AGPAT3: variants seen among roughly 807,000 people sequenced by gnomAD.
The protein encoded by AGPAT3 is 1-acylglycerol-3-phosphate O-acyltransferase 3.
A neutral mutation model predicts 47.3 loss-of-function variants in AGPAT3; 5 were observed. That is an observed-to-expected ratio of 0.11 (90% confidence interval 0.06 to 0.22). AGPAT3 has a LOEUF of 0.22. Among genes scored for constraint, AGPAT3 ranks in the 10% least tolerant of loss-of-function variants. The probability of loss-of-function intolerance (pLI) is 1.00; values close to 1 mark genes in which losing one functional copy is unlikely to be tolerated. For missense variants in AGPAT3, 315 were observed against 493.0 expected (o/e 0.64, Z 3.42); for synonymous variants, 212 against 208.3 (o/e 1.02, Z -0.15).
intron 1 of AGPAT3, among the ~76,000 whole-genome samples, chr21:43,868,702 G>A (rs1040242218): frequency 6.6e-6 from 1 of 152,146 alleles, no homozygotes. Flanking sequence ...CTGCAGCCAC[G>A]CTGGCTCTTG....
Position 43,985,245 on chromosome 21 carries a change from G to T in AGPAT3, c.*2853G>T, listed in dbSNP as rs1222881901. 1 of 456,300 alleles carries T rather than the reference G, an allele frequency of 2.2e-6. No homozygotes were observed. The highest frequency in any genetic ancestry group is 2.3e-5 in the Admixed American group (1 of 42,580). The allele number at this position is 456,300 out of a possible 1,614,324, so 28.3% of individuals were successfully genotyped here. Reference sequence around the variant, plus strand: ...TCTTCCCCCGTGTGAGACACTGGTTGTCTGGTACTCGGCGACAGTGTACCA... The same window carrying T: ...TCTTCCCCCGTGTGAGACACTGGTTTTCTGGTACTCGGCGACAGTGTACCA... On this transcript the variant is annotated 3_prime_UTR_variant, in exon 10 of 10. Coordinates refer to ENST00000291572, the MANE Select transcript of AGPAT3 (RefSeq NM_020132.5).
chr21:43,949,845 G>A (rs1215596986), intron 2 of AGPAT3, among the ~76,000 whole-genome samples: 6 of 152,230 alleles, frequency 3.9e-5, no homozygotes, highest in Non-Finnish European at 5.9e-5. Flanking sequence ...TTCCTGTGGA[G>A]GGGTGGTCTG....
In AGPAT3 at chr21:43,907,937, C is replaced by T. The variant is rs879529737; in HGVS notation, c.-49+3918C>T. Among the ~76,000 whole-genome samples the T allele has an allele frequency of 3.9e-5, 6 of 152,208 alleles. No homozygotes were observed. In the South Asian group the frequency reaches 6.2e-4, roughly 16 times the overall value. On this transcript the variant is annotated intron_variant, in intron 2 of 9. Coordinates refer to ENST00000291572, the MANE Select transcript of AGPAT3 (RefSeq NM_020132.5). ...GTGTTTGCGCGCCCTCTCCGTCGCA[C>T]GGCTCCGTGTGCTGGAGACCCCACG... is the stretch of plus-strand genomic sequence containing the variant.
intron 1 of AGPAT3, among the ~76,000 whole-genome samples, chr21:43,878,182 C>T (rs1356685485): frequency 6.6e-6 from 1 of 152,162 alleles, no homozygotes; most frequent in Non-Finnish European, 1.5e-5. Context: ...ACCCGGTCTT[C>T]AAGCTGCCCC....
intron 2 of AGPAT3, among the ~76,000 whole-genome samples, chr21:43,953,943 A>C (rs2088321024): frequency 6.6e-6 from 1 of 152,236 alleles, no homozygotes; most frequent in South Asian, 2.1e-4. Flanking sequence ...AGGCTGTGTG[A>C]GCCATGATGG....
intron 2 of AGPAT3, among the ~76,000 whole-genome samples, chr21:43,905,536 A>G (rs1569056553): frequency 1.3e-5 from 2 of 152,172 alleles, no homozygotes; most frequent in African/African-American, 2.4e-5. Context: ...TTGATAGCAG[A>G]TAACTATGAA....
rs528838314 is a variant in AGPAT3 at position 43,884,244 on chromosome 21, G to A, written c.-112+18899G>A. On this transcript the variant is annotated intron_variant, in intron 1 of 9. Transcript: ENST00000291572. ...CTTCCTCCTCTCCTCTTCCCCACCCGCTTCCCCCTCCTTCCCCCTCCTTCC... is the reference window on the plus strand; with the variant it reads ...CTTCCTCCTCTCCTCTTCCCCACCCACTTCCCCCTCCTTCCCCCTCCTTCC... 1.9e-4 allele frequency among the ~76,000 whole-genome samples: 19 copies of A among 98,830 alleles called. No homozygotes were observed. In the East Asian group the frequency reaches 5.0e-3, roughly 26 times the overall value. 64.8% of individuals were successfully genotyped at this position (98,830 alleles called of 152,430 possible).
intron 2 of AGPAT3, among the ~76,000 whole-genome samples, chr21:43,925,792 C>T (rs2087035249): frequency 1.3e-5 from 2 of 152,270 alleles, no homozygotes; most frequent in African/African-American, 4.8e-5. Flanking sequence ...CATTCCCACA[C>T]AGAGCTCTGT....
chr21:43,968,067 C>T lies in AGPAT3; in HGVS notation c.300C>T (p.Ile100=), dbSNP rs763209819. Residue 100 remains isoleucine, a synonymous_variant, in exon 4 of 10, where the codon ATC becomes ATT. Coordinates refer to ENST00000291572, the MANE Select transcript of AGPAT3 (RefSeq NM_020132.5). Reference sequence around the variant, plus strand: ...TCATCCTCAACCACAACTTCGAGATCGACTTCCTCTGTGGGTGGACCATGT... The same window carrying T: ...TCATCCTCAACCACAACTTCGAGATTGACTTCCTCTGTGGGTGGACCATGT... ...AVIILNHNFE[I]DFLCGWTMCE... is the part of the protein sequence containing the mutation. 27 of 1,613,832 alleles carry T rather than the reference C, an allele frequency of 1.7e-5. No individual in the cohort carries two copies. The highest frequency in any genetic ancestry group is 3.3e-5 in the Admixed American group (2 of 59,984).
At chr21:43,950,973 C>T (rs1420895383) in intron 2 of AGPAT3, 4 of 152,378 alleles carry the variant, frequency 2.6e-5, no homozygotes, top group Non-Finnish European at 4.4e-5. Flanking sequence ...GAATAGTAAA[C>T]GTTGCCACCT....
intron 2 of AGPAT3, among the ~76,000 whole-genome samples, chr21:43,945,510 G>A (rs368857421): frequency 1.3e-5 from 2 of 152,180 alleles, no homozygotes; most frequent in African/African-American, 4.8e-5. Context: ...GCGCCGTAAT[G>A]GTAGACGATG....
chr21:43,974,317 T>A (rs1049787387), intron 7 of AGPAT3, among the ~76,000 whole-genome samples: 1 of 152,008 alleles, frequency 6.6e-6, no homozygotes, highest in Non-Finnish European at 1.5e-5. Flanking sequence ...GGGTGATGTA[T>A]GTGGTGTGTG....
At chr21:43,962,722 G>A (rs551711311) in intron 3 of AGPAT3, among the ~76,000 whole-genome samples, 1 of 152,234 alleles carries the variant, frequency 6.6e-6, no homozygotes, top group Non-Finnish European at 1.5e-5. Context: ...TTGAGCGAGG[G>A]CGCGAGACAA....
intron 1 of AGPAT3, among the ~76,000 whole-genome samples, chr21:43,895,508 G>A (rs2086194421): frequency 1.0e-5 from 1 of 100,312 alleles, no homozygotes; most frequent in South Asian, 4.0e-4. Flanking sequence ...GTAGTGACAG[G>A]ATTTTTTTTT....
At position 43,914,605 on chromosome 21, in the gene AGPAT3, A is replaced by G. The variant is rs866991510; in HGVS notation, c.-49+10586A>G. On this transcript the variant is annotated intron_variant, in intron 2 of 9. Coordinates refer to ENST00000291572, the MANE Select transcript of AGPAT3 (RefSeq NM_020132.5). Reference sequence around the variant, plus strand: ...TCAATCTCTTCCCAGGCTGGAGTGCAGTGGTGCGATCTTGGCTCACTGCAG... The same window carrying G: ...TCAATCTCTTCCCAGGCTGGAGTGCGGTGGTGCGATCTTGGCTCACTGCAG... Among the ~76,000 whole-genome samples the G allele has an allele frequency of 4.2e-4, 64 of 152,020 alleles. No individual in the cohort carries two copies. In the Middle Eastern group the frequency reaches 0.01, roughly 24 times the overall value.
Position 43,985,661 on chromosome 21 carries a change from G to A in AGPAT3, c.*3269G>A, listed in dbSNP as rs1243401237. Reference sequence around the variant, plus strand: ...GGGTCAGATTTGGGGTGAAGAATGAGTAAGTTTCTGCATGCTTTGTCTCTA... The same window carrying A: ...GGGTCAGATTTGGGGTGAAGAATGAATAAGTTTCTGCATGCTTTGTCTCTA... On this transcript the variant is annotated 3_prime_UTR_variant, in exon 10 of 10. Coordinates refer to ENST00000291572, the MANE Select transcript of AGPAT3 (RefSeq NM_020132.5). 4.9e-6 allele frequency: 1 copy of A among 204,572 alleles called. No homozygotes were observed. Among genetic ancestry groups the A allele is most frequent in the Non-Finnish European group, 1.0e-5 (1 of 99,886 alleles). 12.7% of individuals were successfully genotyped at this position (204,572 alleles called of 1,614,324 possible). A position where few individuals can be genotyped will look rare whatever the true frequency, so the allele number is the denominator to read the frequency against.
chr21:43,899,399 A>G (rs1395526853), intron 1 of AGPAT3, among the ~76,000 whole-genome samples: 1 of 152,200 alleles, frequency 6.6e-6, no homozygotes, highest in Non-Finnish European at 1.5e-5. Flanking sequence ...CCTTTGTGCT[A>G]CAAAGGACAC....
At chr21:43,943,726 G>A (rs1008451990) in intron 2 of AGPAT3, among the ~76,000 whole-genome samples, 1 of 152,210 alleles carries the variant, frequency 6.6e-6, no homozygotes, top group Admixed American at 6.5e-5. Context: ...CCCGGGAGGG[G>A]AGGTTGGAGT....
At position 43,985,460 on chromosome 21, in the gene AGPAT3, A is replaced by C; in HGVS notation, c.*3068A>C. On this transcript the variant is annotated 3_prime_UTR_variant, in exon 10 of 10. Transcript: ENST00000291572. Reference sequence around the variant, plus strand: ...GAGTCTCTCTGCCTTGCCTGTCCCGACTCCCTTTCGCGCACCGTGGCATGA... The same window carrying C: ...GAGTCTCTCTGCCTTGCCTGTCCCGCCTCCCTTTCGCGCACCGTGGCATGA... 3 of 298,960 alleles carry C rather than the reference A, an allele frequency of 1.0e-5. No individual in the cohort carries two copies. The highest frequency in any genetic ancestry group is 2.0e-5 in the Non-Finnish European group (3 of 152,494). The allele number at this position is 298,960 out of a possible 1,614,324, so 18.5% of individuals were successfully genotyped here.
Sources: gnomAD v4.1 joint callset for allele counts (sites outside exome capture counted in the v4.1 genomes callset) on GRCh38, gnomAD v4.1.1 for gene constraint, MANE v1.5 for transcripts, NCBI Gene and HGNC (gene_info 2026-07-23, HGNC 2026-07-21) for gene names.